Variants in COL4A3 observed in about 807,000 individuals in gnomAD.
COL4A3 encodes the protein collagen type IV alpha 3 chain, also known as collagen alpha-3(IV) chain.
A neutral mutation model predicts 217.4 loss-of-function variants in COL4A3; 135 were observed. The observed-to-expected ratio is 0.62, with a 90% CI of 0.54 to 0.72. The LOEUF is 0.72. COL4A3 is among the 30% of genes least tolerant of loss of function. The pLI, the probability that COL4A3 is intolerant of heterozygous loss-of-function variation, is 0.00. For synonymous variants in COL4A3, 690 were observed against 736.3 expected (o/e 0.94, Z 1.02); for missense variants, 1,868 against 2,119.9 (o/e 0.88, Z 2.33).
In COL4A3 at chr2:227,303,080, C is replaced by T. The variant is rs769522094; in HGVS notation, c.3925C>T (p.Pro1309Ser). ...TPGLPGPRGD[P>S]GFQGFPGVKG... is the part of the protein sequence containing the mutation. ...AGGTCTTCCAGGACCCAGAGGTGATCCTGGATTCCAGGGGTTTCCAGGCGT... is the reference window on the plus strand; with the variant it reads ...AGGTCTTCCAGGACCCAGAGGTGATTCTGGATTCCAGGGGTTTCCAGGCGT... Residue 1309 changes from proline (P) to serine (S), a missense_variant, in exon 44 of 52, where the codon CCT (proline) becomes TCT (serine). Pro to Ser is a moderately conservative substitution (Grantham distance 74). Coordinates refer to ENST00000396578, the MANE Select transcript of COL4A3 (RefSeq NM_000091.5). 5.0e-6 allele frequency: 8 copies of T among 1,614,006 alleles called. No individual in the cohort carries two copies. The highest frequency in any genetic ancestry group is 5.1e-6 in the Non-Finnish European group (6 of 1,179,956).
chr2:227,298,676 A>G lies in COL4A3; in HGVS notation c.3752-6A>G, dbSNP rs1465368198. 1 of 1,613,730 alleles carries G rather than the reference A, an allele frequency of 6.2e-7. No homozygotes were observed. On this transcript the variant is annotated splice_polypyrimidine_tract_variant and splice_region_variant and intron_variant, in intron 42 of 51. Transcript: ENST00000396578. ...GGCAATACTGACAGACTTTTCATGAATTCAGGTGCGCCTGGTCCCCCTGGA... is the reference window on the plus strand; with the variant it reads ...GGCAATACTGACAGACTTTTCATGAGTTCAGGTGCGCCTGGTCCCCCTGGA...
chr2:227,175,590 A>G (rs1392567863), intron 1 of COL4A3, among the ~76,000 whole-genome samples: 2 of 152,220 alleles, frequency 1.3e-5, no homozygotes, highest in African/African-American at 4.8e-5. Flanking sequence ...CTGAAGGAAT[A>G]TGCTGAGTAT....
intron 20 of COL4A3, among the ~76,000 whole-genome samples, chr2:227,262,753 T>A (rs1191153370): frequency 6.6e-6 from 1 of 152,182 alleles, no homozygotes; most frequent in Non-Finnish European, 1.5e-5. Flanking sequence ...GTCCTGCAAT[T>A]TTACTGAATT....
chr2:227,173,632 A>G (rs1055645878), intron 1 of COL4A3, among the ~76,000 whole-genome samples: 11 of 152,250 alleles, frequency 7.2e-5, no homozygotes, highest in African/African-American at 2.7e-4. Flanking sequence ...AATGTGAGCC[A>G]TGACTACAAG....
rs773708527 is a variant in COL4A3, at chr2:227,305,039, G to A, written c.4208G>A (p.Gly1403Glu). 6 of 1,613,936 alleles carry A rather than the reference G, an allele frequency of 3.7e-6. No individual in the cohort carries two copies. In the Admixed American group the frequency reaches 8.3e-5, roughly 22 times the overall value. ...PGKDGKPGTP[G>E]PAGEKGNKGS... ...AAGGATGGAAAACCAGGAACTCCTGGACCAGCTGGAGAAAAAGGCAACAAA... is the reference window on the plus strand; with the variant it reads ...AAGGATGGAAAACCAGGAACTCCTGAACCAGCTGGAGAAAAAGGCAACAAA... Residue 1403 changes from glycine (G) to glutamate (E), a missense_variant, in exon 47 of 52, where the codon GGA (glycine) becomes GAA (glutamate). By Grantham distance (98) the Gly-to-Glu change is moderately conservative (BLOSUM62 -2). Around this residue, in one of 2 missense-constraint regions of COL4A3, gnomAD observed 1,503 missense variants for 1,786.1 expected, o/e 0.84. Transcript: ENST00000396578.
intron 1 of COL4A3, among the ~76,000 whole-genome samples, chr2:227,213,881 G>A (rs1468805716): frequency 3.8e-4 from 43 of 114,476 alleles, no homozygotes; most frequent in Non-Finnish European, 2.7e-4. Context: ...AAGCCCGGGC[G>A]ACAGAGCAAA....
At chr2:227,180,884 C>G (rs548967973) in intron 1 of COL4A3, among the ~76,000 whole-genome samples, 2 of 152,288 alleles carry the variant, frequency 1.3e-5, no homozygotes, top group African/African-American at 4.8e-5. Context: ...TCCTGGAATG[C>G]ATTAAGGAGT....
chr2:227,237,862 A>C (rs2068785416), intron 1 of COL4A3, 106 bp from the exon 2 acceptor site: 6 of 793,222 alleles, frequency 7.6e-6, no homozygotes, highest in Non-Finnish European at 1.4e-5. Flanking sequence ...CCTAACAGAT[A>C]GTGTCCAATA....
chr2:227,246,837 G>T (rs769250588), intron 7 of COL4A3, 99 bp downstream of exon 7: 14 of 1,008,410 alleles, frequency 1.4e-5, no homozygotes, highest in Non-Finnish European at 2.1e-5. Flanking sequence ...TGACTTTAGG[G>T]AAGTCTGGGG....
chr2:227,299,393 A>AAAAC (rs146886880), intron 43 of COL4A3, among the ~76,000 whole-genome samples: 2 of 151,950 alleles, frequency 1.3e-5, no homozygotes, highest in Admixed American at 6.5e-5. Flanking sequence ...AGACTCCGTC[A>AAAAC]AAACAAACAA....
At chr2:227,184,786 A>G (rs1280787186) in intron 1 of COL4A3, among the ~76,000 whole-genome samples, 2 of 150,716 alleles carry the variant, frequency 1.3e-5, no homozygotes, top group South Asian at 4.2e-4. Flanking sequence ...CATTTTAAAT[A>G]TATAGAAAGA....
chr2:227,244,335 C>T lies in COL4A3; in HGVS notation c.250C>T (p.Pro84Ser), dbSNP rs572059687. The T allele has an allele frequency of 6.2e-7, 1 of 1,613,890 alleles. No homozygotes were observed. Among genetic ancestry groups the T allele is most frequent in the East Asian group, 2.2e-5 (1 of 44,874 alleles). Residue 84 changes from proline (P) to serine (S), a missense_variant, in exon 4 of 52, where the codon CCA (proline) becomes TCA (serine). Coordinates refer to ENST00000396578, the MANE Select transcript of COL4A3 (RefSeq NM_000091.5). ...PQGPKGFPGL[P>S]GLTGSKGVRG... ...TTGAATCTAGGGCTTTCCAGGACTT[C>T]CAGGACTCACGGGTTCCAAAGGTGT... is the stretch of plus-strand genomic sequence containing the variant.
Position 227,261,068 on chromosome 2 carries a change from T to C in COL4A3, c.1115-14T>C. ...TATCTTTCTAAGCAATTAATTAATG[T>C]TATATATTCCCAGGTCCCAGTGGTC... On this transcript the variant is annotated splice_polypyrimidine_tract_variant and intron_variant, in intron 19 of 51. Transcript: ENST00000396578. 1 of 1,606,718 alleles carries C rather than the reference T, an allele frequency of 6.2e-7. No individual in the cohort carries two copies. The highest frequency in any genetic ancestry group is 1.7e-5 in the Admixed American group (1 of 60,014).
At chr2:227,303,247 G>C (rs553546980) in intron 44 of COL4A3, 137 bp downstream of exon 44, 66 of 719,474 alleles carry the variant, frequency 9.2e-5, no homozygotes, top group South Asian at 8.6e-4. Flanking sequence ...AAGTAGGAAG[G>C]CTCCACTACA....
intron 1 of COL4A3, among the ~76,000 whole-genome samples, chr2:227,188,402 G>A (rs1272256529): frequency 2.6e-5 from 4 of 151,684 alleles, no homozygotes; most frequent in African/African-American, 4.8e-5. Flanking sequence ...AAAGCTCAGC[G>A]AGCCATTGTG....
At chr2:227,252,212 CTTTTTTT>C (rs72162625) in intron 11 of COL4A3, among the ~76,000 whole-genome samples, 1 of 82,854 alleles carries the variant, frequency 1.2e-5, no homozygotes, top group Non-Finnish European at 2.5e-5. Flanking sequence ...TTCTTTCTTT[CTTTTTTT>C]TTTTTTTTTT....
intron 25 of COL4A3, 76 bp downstream of exon 25, chr2:227,271,028 A>G: frequency 1.3e-6 from 2 of 1,486,216 alleles, no homozygotes; most frequent in East Asian, 2.3e-5. Context: ...TTCTTTTCCA[A>G]AAATGGTTGG....
Position 227,282,332 on chromosome 2 carries a change from G to A in COL4A3, c.2489-33G>A, listed in dbSNP as rs754576734. 4 of 1,551,952 alleles carry A rather than the reference G, an allele frequency of 2.6e-6. No individual in the cohort carries two copies. In the South Asian group the frequency reaches 3.3e-5, roughly 13 times the overall value. ...AAGTTAGTAGGGGAAAGCATTTGTG[G>A]GTTAATTAATTCATTCATTTATTCG... is the stretch of plus-strand genomic sequence containing the variant. On this transcript the variant is annotated intron_variant, in intron 31 of 51. Coordinates refer to ENST00000396578, the MANE Select transcript of COL4A3 (RefSeq NM_000091.5). The surrounding 1 kb of genome is among the most constrained non-coding windows in gnomAD (Gnocchi z 4.4).
chr2:227,220,639 T>C (rs2067742191), intron 1 of COL4A3, among the ~76,000 whole-genome samples: 1 of 151,996 alleles, frequency 6.6e-6, no homozygotes, highest in African/African-American at 2.4e-5. Flanking sequence ...TATTTTATTT[T>C]ATTTTTTGTA....
Sources: allele counts gnomAD v4.1 joint callset (sites outside exome capture counted in the v4.1 genomes callset), GRCh38; gene constraint gnomAD v4.1.1; regional missense constraint gnomAD v4.1.1; non-coding constraint Gnocchi (gnomAD v3.1); transcripts MANE v1.5; gene names NCBI Gene and HGNC (gene_info 2026-07-23, HGNC 2026-07-21).